The following GRAMD1B variants were observed in gnomAD, a reference collection of about 807,000 sequenced individuals.
GRAMD1B encodes GRAM domain containing 1B.
Under a neutral mutation model 99.7 loss-of-function variants are expected in GRAMD1B, and 37 were observed. The observed-to-expected ratio is 0.37, with a 90% CI of 0.29 to 0.49. GRAMD1B has a LOEUF of 0.49. Among genes scored for constraint, GRAMD1B ranks in the 20% least tolerant of loss-of-function variants. GRAMD1B has a pLI of 0.98. For missense variants in GRAMD1B, 888 were observed against 1,009.2 expected, an observed-to-expected ratio of 0.88 and a Z score of 1.63; for synonymous variants, 427 against 387.6, an observed-to-expected ratio of 1.10 and a Z score of -1.19.
chr11:123,513,521 TC>T (rs1046704683), intron 2 of GRAMD1B, among the ~76,000 whole-genome samples: 2 of 145,956 alleles, frequency 1.4e-5, no homozygotes, highest in Non-Finnish European at 3.0e-5. Flanking sequence ...TTTCTTTCCT[TC>T]CTTCCTTCCT....
At chr11:123,394,712 C>T (rs1002720423) in intron 1 of GRAMD1B, among the ~76,000 whole-genome samples, 4 of 152,126 alleles carry the variant, frequency 2.6e-5, no homozygotes, top group Admixed American at 6.6e-5. Context: ...CTGCTATAAC[C>T]GAATACCACA....
intron 1 of GRAMD1B, among the ~76,000 whole-genome samples, chr11:123,470,322 C>G (rs1565526648): frequency 6.6e-6 from 1 of 152,160 alleles, no homozygotes; most frequent in South Asian, 2.1e-4. Flanking sequence ...TTACTACTTA[C>G]AAAACTGCCG....
chr11:123,460,812 C>T (rs17127388), intron 1 of GRAMD1B, among the ~76,000 whole-genome samples: 6,681 of 152,092 alleles, frequency 0.044, 421 homozygotes, highest in East Asian at 0.13. Flanking sequence ...GTCACTAGAG[C>T]GGTTGGTCTT....
chr11:123,477,766 T>C (rs1433478430), intron 1 of GRAMD1B, among the ~76,000 whole-genome samples: 2 of 137,810 alleles, frequency 1.5e-5, no homozygotes, highest in Non-Finnish European at 3.1e-5. Flanking sequence ...CCCTTTTCCT[T>C]CCCTTTTCTT....
chr11:123,526,544 G>A (rs75513277), intron 2 of GRAMD1B, among the ~76,000 whole-genome samples: 2,145 of 152,246 alleles, frequency 0.014, 19 homozygotes, highest in Non-Finnish European at 0.022. Flanking sequence ...GCATCAGGCT[G>A]GGGGTGCAGT....
chr11:123,588,589 C>T (rs745578167), intron 4 of GRAMD1B, among the ~76,000 whole-genome samples: 1 of 152,190 alleles, frequency 6.6e-6, no homozygotes, highest in South Asian at 2.1e-4. Context: ...GCATTCTGAT[C>T]ACCTTGGAAA....
intron 2 of GRAMD1B, among the ~76,000 whole-genome samples, chr11:123,542,550 T>C (rs1476844555): frequency 1.3e-5 from 2 of 152,158 alleles, no homozygotes; most frequent in African/African-American, 4.8e-5. Context: ...GAAGAAGCAT[T>C]GGGAGCAGAG....
At chr11:123,463,312 C>T (rs1565519917) in intron 1 of GRAMD1B, among the ~76,000 whole-genome samples, 1 of 152,212 alleles carries the variant, frequency 6.6e-6, no homozygotes, top group African/African-American at 2.4e-5. Flanking sequence ...CGTGCCCAGC[C>T]TATTTTCTTC....
At position 123,610,101 on chromosome 11, in the gene GRAMD1B, G is replaced by A. The variant is rs1165034551; in HGVS notation, c.1777-95G>A. Reference sequence around the variant, plus strand: ...ATCCTGGTTCTCCTGTTCAGAAGCCGTGGGGTGGGGTGGGCTTGGGGAGGC... The same window carrying A: ...ATCCTGGTTCTCCTGTTCAGAAGCCATGGGGTGGGGTGGGCTTGGGGAGGC... On this transcript the variant is annotated intron_variant, in intron 13 of 19. Transcript: ENST00000635736. This position sits in a 1 kb window ranked among gnomAD's most constrained non-coding sequence, Gnocchi z 4.1. The A allele has an allele frequency of 3.1e-5, 35 of 1,144,522 alleles. No individual in the cohort carries two copies. The highest frequency in any genetic ancestry group is 7.5e-5 in the East Asian group (3 of 40,190). The allele number at this position is 1,144,522 out of a possible 1,614,324, so 70.9% of individuals were successfully genotyped here.
At chr11:123,612,730 T>C (rs1953761735) in intron 14 of GRAMD1B, 31 bp from the exon 15 acceptor site, 4 of 1,270,220 alleles carry the variant, frequency 3.1e-6, no homozygotes, top group Non-Finnish European at 4.5e-6. Context: ...ACCCAGGAAA[T>C]GACTGATCTT....
intron 1 of GRAMD1B, among the ~76,000 whole-genome samples, chr11:123,422,633 T>C (rs1327833743): frequency 6.6e-6 from 1 of 152,242 alleles, no homozygotes; most frequent in East Asian, 1.9e-4. Context: ...ATGTTCTTTT[T>C]GGAATTCCAA....
intron 8 of GRAMD1B, 86 bp from the exon 9 acceptor site, chr11:123,603,340 A>T: frequency 3.7e-6 from 3 of 801,512 alleles, no homozygotes; most frequent in Non-Finnish European, 6.5e-6. Context: ...CCTCTTCTCC[A>T]GGGGAACCAG....
intron 1 of GRAMD1B, among the ~76,000 whole-genome samples, chr11:123,473,217 C>T: frequency 6.6e-6 from 1 of 152,202 alleles, no homozygotes; most frequent in East Asian, 1.9e-4. Flanking sequence ...GAGTCTGCCA[C>T]CATGCCTGGC....
intron 1 of GRAMD1B, among the ~76,000 whole-genome samples, chr11:123,462,362 A>ACT (rs61206369): frequency 0.45 from 68,162 of 151,770 alleles, 16,461 homozygotes; most frequent in East Asian, 0.9. Flanking sequence ...GGCAGAGCAG[A>ACT]CTCGTTACTT....
intron 2 of GRAMD1B, among the ~76,000 whole-genome samples, chr11:123,548,675 A>G (rs1407518339): frequency 6.6e-6 from 1 of 152,060 alleles, no homozygotes; most frequent in East Asian, 1.9e-4. Flanking sequence ...TGGTGCAATC[A>G]TGGCTTACTG....
At position 123,388,074 on chromosome 11, in the gene GRAMD1B, C is replaced by T. The variant is rs188404798; in HGVS notation, c.-176+29275C>T. Among the ~76,000 whole-genome samples, 169 of 141,002 alleles carry T rather than the reference C, an allele frequency of 1.2e-3. No homozygotes were observed. The East Asian group carries it at 0.015, about 12-fold the overall frequency. 92.5% of individuals were successfully genotyped at this position (141,002 alleles called of 152,430 possible). ...CCAGGAGGCAGAGGTTGCAGTGAGC[C>T]GAGATTGTACCATTGCATTCCAGCC... On this transcript the variant is annotated intron_variant, in intron 1 of 20. Transcript: ENST00000638157.
intron 1 of GRAMD1B, among the ~76,000 whole-genome samples, chr11:123,452,447 A>C (rs1591569453): frequency 6.6e-6 from 1 of 152,192 alleles, no homozygotes; most frequent in Middle Eastern, 3.4e-3. Context: ...GGAGTTCGAG[A>C]CCAGCCTGGC....
intron 17 of GRAMD1B, among the ~76,000 whole-genome samples, chr11:123,616,147 C>A (rs1275073): frequency 0.33 from 50,653 of 151,744 alleles, 9,743 homozygotes; most frequent in South Asian, 0.5. Context: ...CATGGTGAAA[C>A]CCCGTCTCTA....
At chr11:123,429,191 T>G (rs2134155032), upstream of GRAMD1B, among the ~76,000 whole-genome samples, 1 of 152,126 alleles carries the variant, frequency 6.6e-6, no homozygotes, top group Non-Finnish European at 1.5e-5. The surrounding 1 kb of genome is among the most constrained non-coding windows in gnomAD (Gnocchi z 4.0). Context: ...AGACTTTGTC[T>G]CTTAAAAACA....
Sources: allele counts gnomAD v4.1 joint callset (sites outside exome capture counted in the v4.1 genomes callset), GRCh38; gene constraint gnomAD v4.1.1; non-coding constraint Gnocchi (gnomAD v3.1); transcripts MANE v1.5; gene names NCBI Gene and HGNC (gene_info 2026-07-23, HGNC 2026-07-21).